Variants in METTL24 observed in about 807,000 individuals in gnomAD.
METTL24 encodes probable methyltransferase-like protein 24.
METTL24 carries 29 observed loss-of-function variants against 32.7 expected under a neutral mutation model. The ratio of observed to expected loss-of-function variants is 0.89; its 90% CI spans 0.66 to 1.21. The LOEUF is 1.21. METTL24 is among the 50% of genes most tolerant of loss of function. The probability of loss-of-function intolerance (pLI) is 0.00; values close to 1 mark genes in which losing one functional copy is unlikely to be tolerated. For synonymous variants in METTL24, 163 were observed against 179.5 expected (o/e 0.91, Z 0.73); for missense variants, 439 against 468.1 (o/e 0.94, Z 0.57).
chr6:110,272,439 T>A (rs1770974954), intron 4 of METTL24, among the ~76,000 whole-genome samples: 1 of 152,194 alleles, frequency 6.6e-6, no homozygotes, highest in Non-Finnish European at 1.5e-5. Flanking sequence ...TGTGTGTGCA[T>A]GTGTCTTTTT....
At chr6:110,294,185 C>A (rs978903174) in intron 4 of METTL24, among the ~76,000 whole-genome samples, 3 of 151,628 alleles carry the variant, frequency 2.0e-5, no homozygotes, top group Non-Finnish European at 4.4e-5. Context: ...AGAGAGAAAG[C>A]AAATGTGGCA....
intron 1 of METTL24, among the ~76,000 whole-genome samples, chr6:110,334,389 C>T (rs1362240708): frequency 6.6e-6 from 1 of 152,154 alleles, no homozygotes; most frequent in Admixed American, 6.5e-5. Flanking sequence ...ACAGAGAGCA[C>T]CCAAAACACA....
chr6:110,334,996 G>C (rs529881962), intron 1 of METTL24, among the ~76,000 whole-genome samples: 3 of 152,144 alleles, frequency 2.0e-5, no homozygotes, highest in African/African-American at 4.8e-5. Flanking sequence ...CCACATAAAA[G>C]CTTCTTTTGA....
At chr6:110,356,108 G>C (rs2114784392) in intron 1 of METTL24, among the ~76,000 whole-genome samples, 1 of 151,968 alleles carries the variant, frequency 6.6e-6, no homozygotes, top group African/African-American at 2.4e-5. Context: ...GGAACATTGA[G>C]GACATCCAGA....
chr6:110,246,452 TG>T (rs1259053048), intron 4 of METTL24, among the ~76,000 whole-genome samples, 192 bp from the exon 5 acceptor site: 1 of 152,236 alleles, frequency 6.6e-6, no homozygotes, highest in East Asian at 1.9e-4. Context: ...TTTGGTTTTT[TG>T]TTCTTGTTTT....
At chr6:110,318,808 T>C (rs540590096) in intron 2 of METTL24, among the ~76,000 whole-genome samples, 6 of 152,232 alleles carry the variant, frequency 3.9e-5, no homozygotes, top group African/African-American at 1.4e-4. Flanking sequence ...AAAAATTAAT[T>C]ATTGATTTTT....
intron 1 of METTL24, among the ~76,000 whole-genome samples, chr6:110,356,323 A>G (rs1393190507): frequency 6.6e-6 from 1 of 152,170 alleles, no homozygotes; most frequent in African/African-American, 2.4e-5. Flanking sequence ...CACGCCTGTA[A>G]TCCCAGCTAC....
intron 1 of METTL24, among the ~76,000 whole-genome samples, chr6:110,323,554 T>C (rs1771967924): frequency 6.6e-6 from 1 of 151,936 alleles, no homozygotes; most frequent in South Asian, 2.1e-4. Flanking sequence ...GTAGCAAGGA[T>C]GGGTGGATGA....
chr6:110,246,202 A>G lies in METTL24; in HGVS notation c.845T>C (p.Ile282Thr). 6.2e-7 allele frequency: 1 copy of G among 1,614,112 alleles called. No homozygotes were observed. Among genetic ancestry groups the G allele is most frequent in the South Asian group, 1.1e-5 (1 of 91,068 alleles). The change falls in exon 5 of 5, where the codon ATT becomes ACT. Residue 282 changes from isoleucine to threonine, a missense_variant. By Grantham distance (89) the Ile-to-Thr change is moderately conservative (BLOSUM62 -1). Transcript: ENST00000338882. ...AATCTGCTCAAGAACATCTTCCAGA[A>G]TAAGATTTTCCAAAACTTTCCATTC... ...SAEWKVLENL[I>T]LEDVLEQIGQ...
At chr6:110,351,740 C>T (rs1422042853) in intron 1 of METTL24, among the ~76,000 whole-genome samples, 1 of 152,196 alleles carries the variant, frequency 6.6e-6, no homozygotes, top group Non-Finnish European at 1.5e-5. Context: ...GTGGCCTGAG[C>T]CGGCTGGTCC....
At chr6:110,302,454 T>TACACACATATGTGTATATATACACATAC (rs1771534087) in intron 3 of METTL24, among the ~76,000 whole-genome samples, 1 of 79,770 alleles carries the variant, frequency 1.3e-5, no homozygotes, top group African/African-American at 9.0e-5. Flanking sequence ...TATACACATA[T>TACACACATATGTGTATATATACACATAC]ACACACATAT....
At chr6:110,274,954 A>C (rs1771022626) in intron 4 of METTL24, among the ~76,000 whole-genome samples, 1 of 151,104 alleles carries the variant, frequency 6.6e-6, no homozygotes, top group Admixed American at 6.6e-5. Flanking sequence ...GCACATCACC[A>C]CACCCAACTA....
rs117500055 is a variant in METTL24 at position 110,328,018 on chromosome 6, G to A, written c.319-5146C>T. Among the ~76,000 whole-genome samples the A allele has an allele frequency of 4.7e-4, 71 of 152,332 alleles. 1 individual carries two copies. In the East Asian group the frequency reaches 0.011, roughly 24 times the overall value. On this transcript the variant is annotated intron_variant, in intron 1 of 4. Coordinates refer to ENST00000338882, the MANE Select transcript of METTL24 (RefSeq NM_001123364.3). ...TAAAGCAGCAGCTTAAGCAGAGGTG[G>A]CTGGAAATAACATCATTTTGGATTG... is the stretch of plus-strand genomic sequence containing the variant.
intron 4 of METTL24, among the ~76,000 whole-genome samples, chr6:110,249,777 G>A (rs1041792853): frequency 2.6e-5 from 4 of 151,916 alleles, no homozygotes; most frequent in Admixed American, 2.6e-4. Flanking sequence ...CAGGTTTGTG[G>A]AGAAAAACAA....
chr6:110,341,568 T>C (rs1307655403), intron 1 of METTL24, among the ~76,000 whole-genome samples: 1 of 152,232 alleles, frequency 6.6e-6, no homozygotes, highest in African/African-American at 2.4e-5. Context: ...ACAAAATTGC[T>C]GAAATTAAGC....
chr6:110,287,968 TC>T (rs1455432310), intron 4 of METTL24, among the ~76,000 whole-genome samples: 1 of 152,086 alleles, frequency 6.6e-6, no homozygotes, highest in Admixed American at 6.6e-5. Flanking sequence ...TAAAGGAGCT[TC>T]CCTCCTGAGA....
intron 1 of METTL24, among the ~76,000 whole-genome samples, chr6:110,355,043 A>C (rs1772677630): frequency 1.3e-5 from 2 of 152,200 alleles, no homozygotes; most frequent in South Asian, 4.2e-4. Flanking sequence ...TCAGGAGTAA[A>C]CATTTACTAG....
chr6:110,273,629 A>C (rs1770994488), intron 4 of METTL24, among the ~76,000 whole-genome samples: 1 of 152,222 alleles, frequency 6.6e-6, no homozygotes, highest in South Asian at 2.1e-4. Context: ...AAAGTGCTCA[A>C]CAGCACTAAT....
intron 4 of METTL24, among the ~76,000 whole-genome samples, chr6:110,294,496 G>A (rs569076089): frequency 1.3e-5 from 2 of 152,006 alleles, no homozygotes; most frequent in South Asian, 4.2e-4. Flanking sequence ...GGGGAATACT[G>A]CAGAAAACCA....
Sources: gnomAD v4.1 joint callset for allele counts (sites outside exome capture counted in the v4.1 genomes callset) on GRCh38, gnomAD v4.1.1 for gene constraint, MANE v1.5 for transcripts, NCBI Gene and HGNC (gene_info 2026-07-23, HGNC 2026-07-21) for gene names.